The following ELMO1 variants were observed in gnomAD, a reference collection of about 807,000 sequenced individuals.
ELMO1 encodes engulfment and cell motility protein 1.
A neutral mutation model predicts 98.9 loss-of-function variants in ELMO1; 26 were observed. The ratio of observed to expected loss-of-function variants is 0.26; its 90% CI spans 0.19 to 0.36. The LOEUF is 0.36. Ranked by LOEUF, ELMO1 falls within the 10% of genes least tolerant of loss-of-function variation. ELMO1 has a pLI of 1.00. For missense variants in ELMO1, 627 were observed against 935.2 expected, an observed-to-expected ratio of 0.67 and a Z score of 4.30; for synonymous variants, 346 against 346.0, an observed-to-expected ratio of 1.00 and a Z score of 0.00.
At chr7:37,118,858 G>C (rs563437940) in intron 14 of ELMO1, among the ~76,000 whole-genome samples, 1 of 152,250 alleles carries the variant, frequency 6.6e-6, no homozygotes, top group South Asian at 2.1e-4. Context: ...TAATAACACT[G>C]GGTCAGTGAA....
At chr7:37,180,017 T>C (rs1321718943) in intron 13 of ELMO1, among the ~76,000 whole-genome samples, 1 of 151,996 alleles carries the variant, frequency 6.6e-6, no homozygotes, top group Non-Finnish European at 1.5e-5. Flanking sequence ...GACAAGTGAA[T>C]GAACATAAAG....
At chr7:37,292,749 C>A (rs1797787374) in intron 4 of ELMO1, among the ~76,000 whole-genome samples, 1 of 105,000 alleles carries the variant, frequency 9.5e-6, no homozygotes, top group Non-Finnish European at 2.2e-5. Context: ...GGGGGTCAGC[C>A]CCCCGCCCGG....
intron 15 of ELMO1, among the ~76,000 whole-genome samples, chr7:37,051,056 C>T (rs1340546604): frequency 6.6e-6 from 1 of 152,142 alleles, no homozygotes; most frequent in African/African-American, 2.4e-5. Context: ...CAGCTTCCTT[C>T]CTTTTTGGGT....
intron 1 of ELMO1, among the ~76,000 whole-genome samples, chr7:37,352,858 C>T (rs1273392848): frequency 6.6e-6 from 1 of 152,196 alleles, no homozygotes; most frequent in African/African-American, 2.4e-5. Context: ...ATCATTTGAA[C>T]ATCTCACTTC....
intron 1 of ELMO1, among the ~76,000 whole-genome samples, chr7:37,408,258 T>C (rs1319724313): frequency 2.6e-5 from 4 of 152,216 alleles, no homozygotes; most frequent in African/African-American, 7.2e-5. Flanking sequence ...ACACAATAGA[T>C]ATACATAATG....
At chr7:37,426,473 A>C (rs1804713213) in intron 1 of ELMO1, among the ~76,000 whole-genome samples, 1 of 152,114 alleles carries the variant, frequency 6.6e-6, no homozygotes, top group South Asian at 2.1e-4. Flanking sequence ...TATAAAATAA[A>C]ATACTAGTAG....
chr7:37,435,769 TGGAA>T (rs753350174), intron 1 of ELMO1, among the ~76,000 whole-genome samples: 21 of 152,226 alleles, frequency 1.4e-4, no homozygotes, highest in Non-Finnish European at 2.6e-4. Flanking sequence ...CGCTTATGAC[TGGAA>T]GGATGTCTCA....
At chr7:37,154,792 A>G (rs1245249424) in intron 13 of ELMO1, among the ~76,000 whole-genome samples, 1 of 152,200 alleles carries the variant, frequency 6.6e-6, no homozygotes, top group African/African-American at 2.4e-5. Flanking sequence ...GCCAACATTC[A>G]AATTCAGGAA....
At chr7:37,389,386 G>A (rs1802963378) in intron 1 of ELMO1, among the ~76,000 whole-genome samples, 1 of 152,136 alleles carries the variant, frequency 6.6e-6, no homozygotes, top group African/African-American at 2.4e-5. Context: ...AAGTTCAAAA[G>A]GATTTTTTGT....
intron 14 of ELMO1, among the ~76,000 whole-genome samples, chr7:37,099,418 T>G (rs1461599468): frequency 1.3e-5 from 2 of 152,242 alleles, no homozygotes; most frequent in Non-Finnish European, 2.9e-5. Context: ...ATTCTGATAT[T>G]AACCATGTCC....
chr7:37,084,757 T>C (rs1012407220), intron 15 of ELMO1, among the ~76,000 whole-genome samples: 2 of 151,010 alleles, frequency 1.3e-5, no homozygotes, highest in African/African-American at 4.9e-5. Flanking sequence ...AAAAGCAAAT[T>C]CCTTTTTTTT....
intron 16 of ELMO1, among the ~76,000 whole-genome samples, chr7:36,895,356 G>C (rs527931612): frequency 6.6e-6 from 1 of 152,124 alleles, no homozygotes; most frequent in African/African-American, 2.4e-5. Context: ...AGGAATGAAC[G>C]AAGGCCAAGC....
intron 14 of ELMO1, among the ~76,000 whole-genome samples, chr7:37,108,179 A>G (rs778544009): frequency 3.3e-5 from 5 of 152,148 alleles, no homozygotes; most frequent in African/African-American, 4.8e-5. Context: ...TTTTAAATGG[A>G]GTTCATCTCA....
At chr7:37,128,969 C>G (rs1786715051) in intron 14 of ELMO1, among the ~76,000 whole-genome samples, 1 of 151,952 alleles carries the variant, frequency 6.6e-6, no homozygotes, top group African/African-American at 2.4e-5. Context: ...ATGGAGTCAT[C>G]CGGGTAGAGG....
chr7:37,350,847 A>G (rs892441463), intron 1 of ELMO1, among the ~76,000 whole-genome samples: 1 of 152,216 alleles, frequency 6.6e-6, no homozygotes, highest in Non-Finnish European at 1.5e-5. Flanking sequence ...CAGAAGGTAC[A>G]GAGGGGAGAC....
intron 1 of ELMO1, among the ~76,000 whole-genome samples, chr7:37,374,440 A>G (rs1273978397): frequency 6.6e-6 from 1 of 152,230 alleles, no homozygotes; most frequent in African/African-American, 2.4e-5. Context: ...AAAAAAGAAC[A>G]TTAGTTAGTC....
intron 1 of ELMO1, among the ~76,000 whole-genome samples, chr7:37,346,497 A>C (rs1801016303): frequency 1.3e-5 from 2 of 152,224 alleles, no homozygotes; most frequent in Admixed American, 1.3e-4. Flanking sequence ...GTGCAAATGC[A>C]AGCAAACAAT....
chr7:36,922,172 C>T (rs563065618), intron 16 of ELMO1, among the ~76,000 whole-genome samples: 2 of 152,112 alleles, frequency 1.3e-5, no homozygotes, highest in East Asian at 1.9e-4. Context: ...GGAGAGGAAG[C>T]GGATTGAATG....
rs376569690 is a variant in ELMO1, at chr7:37,404,376, TA to T, written c.-74+44298del. Reference sequence around the variant, plus strand: ...TGCGCCATGATTTCTATGGGTATCTTATGCTCTTTCTCATTTGGTCCTATCA... The same window carrying T: ...TGCGCCATGATTTCTATGGGTATCTTTGCTCTTTCTCATTTGGTCCTATCA... On this transcript the variant is annotated intron_variant, in intron 1 of 21. Transcript: ENST00000310758. Among the ~76,000 whole-genome samples, 146 of 152,260 alleles carry T rather than the reference TA, an allele frequency of 9.6e-4. 1 individual carries two copies. The East Asian group carries it at 0.014, about 14-fold the overall frequency.
Sources: gnomAD v4.1 joint callset for allele counts (sites outside exome capture counted in the v4.1 genomes callset) on GRCh38, gnomAD v4.1.1 for gene constraint, MANE v1.5 for transcripts, NCBI Gene and HGNC (gene_info 2026-07-23, HGNC 2026-07-21) for gene names.